DPYD: variants seen among roughly 807,000 people sequenced by gnomAD.
DPYD encodes the protein dihydropyrimidine dehydrogenase, also known as dihydropyrimidine dehydrogenase [NADP(+)].
In DPYD, 109 loss-of-function variants were observed where a neutral mutation model predicts 116.2. That is an observed-to-expected ratio of 0.94 (90% CI 0.80 to 1.10). The LOEUF is 1.10. DPYD is among the 50% of genes least tolerant of loss of function. The pLI, the probability that DPYD is intolerant of heterozygous loss-of-function variation, is 0.00. For synonymous variants in DPYD, 440 were observed against 432.0 expected (o/e 1.02, Z -0.23); for missense variants, 1,302 against 1,254.5 (o/e 1.04, Z -0.57).
At chr1:97,266,402 T>C (rs1224540414) in intron 18 of DPYD, among the ~76,000 whole-genome samples, 2 of 152,186 alleles carry the variant, frequency 1.3e-5, no homozygotes, top group African/African-American at 4.8e-5. Flanking sequence ...CTATCTAATA[T>C]CAATTAAACA....
chr1:97,679,213 T>C, intron 7 of DPYD, 31 bp from the exon 8 acceptor site: 1 of 1,241,672 alleles, frequency 8.1e-7, no homozygotes, highest in Non-Finnish European at 1.2e-6. Context: ...CATAAGAAAA[T>C]TTGGCATATG....
chr1:97,507,926 G>A (rs1647469597), intron 13 of DPYD, among the ~76,000 whole-genome samples: 1 of 151,988 alleles, frequency 6.6e-6, no homozygotes, highest in South Asian at 2.1e-4. Context: ...CTTATGGATA[G>A]GACATGAGAG....
At chr1:97,304,729 T>G (rs549901857) in intron 18 of DPYD, among the ~76,000 whole-genome samples, 2 of 151,932 alleles carry the variant, frequency 1.3e-5, no homozygotes, top group Non-Finnish European at 2.9e-5. Context: ...AAACCTCTCT[T>G]TCTTTTTCAA....
chr1:97,112,010 A>G (rs2101625564), intron 20 of DPYD, among the ~76,000 whole-genome samples: 1 of 152,266 alleles, frequency 6.6e-6, no homozygotes, highest in Non-Finnish European at 1.5e-5. Flanking sequence ...TTCATACACA[A>G]TAGGCACTTA....
intron 4 of DPYD, among the ~76,000 whole-genome samples, chr1:97,730,365 G>A (rs1663519014): frequency 6.6e-6 from 1 of 152,040 alleles, no homozygotes; most frequent in African/African-American, 2.4e-5. Context: ...GGGACTATAG[G>A]CATGCACCAT....
chr1:97,291,121 T>G (rs1206365173), intron 18 of DPYD, among the ~76,000 whole-genome samples: 2 of 152,068 alleles, frequency 1.3e-5, no homozygotes, highest in African/African-American at 4.8e-5. Context: ...GAAATGCAAA[T>G]CAAAACCACA....
chr1:97,778,188 AAGAGAGAG>A lies in DPYD; in HGVS notation c.234-37717_234-37710del, dbSNP rs72197937. On this transcript the variant is annotated intron_variant, in intron 3 of 22. Coordinates refer to ENST00000370192, the MANE Select transcript of DPYD (RefSeq NM_000110.4). The stretch of plus-strand genomic sequence containing the variant: ...AAAAAAAAAAAGAAAGAAAGAAAGA[AAGAGAGAG>A]AGAGAGAGAGAGAGAGAGAGAGAGG... 7.8e-3 allele frequency among the ~76,000 whole-genome samples: 834 copies of A among 106,262 alleles called. 9 individuals carry two copies. The highest frequency in any genetic ancestry group is 0.013 in the Non-Finnish European group (707 of 54,026). The allele number at this position is 106,262 out of a possible 152,430, so 69.7% of individuals were successfully genotyped here.
intron 19 of DPYD, among the ~76,000 whole-genome samples, chr1:97,212,526 C>A (rs1040968564): frequency 2.0e-5 from 3 of 151,980 alleles, no homozygotes; most frequent in African/African-American, 4.8e-5. Context: ...GCTGCTATGA[C>A]CATCTGTATG....
At chr1:97,134,011 AAAAATAT>A (rs1653559718) in intron 20 of DPYD, among the ~76,000 whole-genome samples, 2 of 35,234 alleles carry the variant, frequency 5.7e-5, no homozygotes, top group Non-Finnish European at 1.0e-4. Context: ...AAAAAAAAAA[AAAAATAT>A]ATATATATAT....
At chr1:97,173,207 T>C (rs894103201) in intron 20 of DPYD, among the ~76,000 whole-genome samples, 5 of 142,810 alleles carry the variant, frequency 3.5e-5, no homozygotes, top group African/African-American at 5.1e-5. Flanking sequence ...TATGTGTACA[T>C]ATATACACAT....
At chr1:97,448,216 A>G (rs1033023337) in intron 14 of DPYD, among the ~76,000 whole-genome samples, 1 of 151,466 alleles carries the variant, frequency 6.6e-6, no homozygotes, top group Non-Finnish European at 1.5e-5. Flanking sequence ...ATCTCTAGTT[A>G]AAAAAAAATG....
intron 3 of DPYD, among the ~76,000 whole-genome samples, chr1:97,760,266 T>C (rs1221668902): frequency 2.0e-5 from 3 of 152,228 alleles, no homozygotes; most frequent in South Asian, 2.1e-4. Context: ...TGGAAGCCCA[T>C]CTTCATTCCA....
intron 14 of DPYD, among the ~76,000 whole-genome samples, chr1:97,435,029 T>C (rs1038800138): frequency 3.3e-5 from 5 of 152,010 alleles, no homozygotes; most frequent in African/African-American, 7.2e-5. Context: ...TTTCAATTTG[T>C]AAAACCCCTT....
chr1:97,869,416 G>C (rs1158698735), intron 2 of DPYD, among the ~76,000 whole-genome samples: 1 of 151,758 alleles, frequency 6.6e-6, no homozygotes, highest in African/African-American at 2.4e-5. Context: ...ACAATCCAAA[G>C]AGGCTGTATG....
intron 18 of DPYD, among the ~76,000 whole-genome samples, chr1:97,274,028 T>C (rs1267323141): frequency 1.3e-5 from 2 of 152,220 alleles, no homozygotes; most frequent in Non-Finnish European, 2.9e-5. Context: ...CTGTGAATTA[T>C]TCTTTGATGC....
chr1:97,870,211 A>G (rs1427421050), intron 2 of DPYD, among the ~76,000 whole-genome samples: 3 of 151,900 alleles, frequency 2.0e-5, no homozygotes, highest in African/African-American at 7.2e-5. Flanking sequence ...TTGAAAGAAA[A>G]GAGAAAATAA....
At chr1:97,731,842 G>C (rs1032196076) in intron 4 of DPYD, among the ~76,000 whole-genome samples, 1 of 151,796 alleles carries the variant, frequency 6.6e-6, no homozygotes, top group African/African-American at 2.4e-5. Context: ...GAAAATAGTT[G>C]TGATTCCAAT....
At chr1:97,230,546 G>C (rs1388894006) in intron 19 of DPYD, among the ~76,000 whole-genome samples, 1 of 152,042 alleles carries the variant, frequency 6.6e-6, no homozygotes, top group African/African-American at 2.4e-5. Context: ...CTTAATACTT[G>C]GGTGATAAAA....
intron 19 of DPYD, among the ~76,000 whole-genome samples, chr1:97,225,003 GTCTATCTA>G (rs3050227): frequency 0.14 from 18,011 of 126,894 alleles, 1,140 homozygotes; most frequent in South Asian, 0.16. Flanking sequence ...CTGTCTGTCT[GTCTATCTA>G]TCTATCTATC....
Sources: allele counts gnomAD v4.1 joint callset (sites outside exome capture counted in the v4.1 genomes callset), GRCh38; gene constraint gnomAD v4.1.1; transcripts MANE v1.5; gene names NCBI Gene and HGNC (gene_info 2026-07-23, HGNC 2026-07-21).